The following RET variants were observed in gnomAD, a reference collection of about 807,000 sequenced individuals.
RET encodes proto-oncogene tyrosine-protein kinase receptor Ret.
RET carries 19 observed loss-of-function variants against 118.3 expected under a neutral mutation model. The ratio of observed to expected loss-of-function variants is 0.16; its 90% CI spans 0.11 to 0.24. The LOEUF is 0.24. Among genes scored for constraint, RET ranks in the 10% least tolerant of loss-of-function variants. The pLI is 1.00. For synonymous variants in RET, 597 were observed against 644.1 expected (o/e 0.93, Z 1.11); for missense variants, 1,219 against 1,502.1 (o/e 0.81, Z 3.12).
chr10:43,097,793 C>T (rs1837552167), intron 1 of RET, among the ~76,000 whole-genome samples: 1 of 152,166 alleles, frequency 6.6e-6, no homozygotes, highest in African/African-American at 2.4e-5. Flanking sequence ...GATTGTTTCC[C>T]CCAGGTGTGT....
At chr10:43,102,185 A>T in intron 2 of RET, 157 bp from the exon 3 acceptor site, 1 of 846,000 alleles carries the variant, frequency 1.2e-6, no homozygotes, top group Non-Finnish European at 1.9e-6. Flanking sequence ...CAGCAGAGGT[A>T]AGGAGGTGGC....
chr10:43,124,084 C>T (rs906228528), intron 17 of RET, among the ~76,000 whole-genome samples: 1 of 152,126 alleles, frequency 6.6e-6, no homozygotes, highest in Non-Finnish European at 1.5e-5. Context: ...GCTGTCCCAG[C>T]AGGACACTTA....
At chr10:43,101,661 G>A (rs1191091012) in intron 2 of RET, among the ~76,000 whole-genome samples, 1 of 152,228 alleles carries the variant, frequency 6.6e-6, no homozygotes, top group Non-Finnish European at 1.5e-5. Flanking sequence ...TTCGTAGGAG[G>A]CCTAAGCCCT....
At chr10:43,105,305 G>T in intron 4 of RET, 112 bp downstream of exon 4, 1 of 1,503,710 alleles carries the variant, frequency 6.7e-7, no homozygotes, top group African/African-American at 1.4e-5. Context: ...GACCATTCGC[G>T]CTTTCATTTG....
intron 8 of RET, 151 bp from the exon 9 acceptor site, chr10:43,112,702 G>C (rs3026755): frequency 0.021 from 15,111 of 703,810 alleles, 258 homozygotes; most frequent in Middle Eastern, 0.042. Flanking sequence ...GGCTCCCCAG[G>C]ATGCTTCCGC....
intron 1 of RET, among the ~76,000 whole-genome samples, chr10:43,079,031 C>T (rs1454590585): frequency 5.9e-5 from 9 of 152,328 alleles, no homozygotes; most frequent in South Asian, 4.1e-4. Context: ...TGCCAAGGAC[C>T]GCCCCAGTGA....
chr10:43,104,345 C>T (rs992967734), intron 3 of RET, among the ~76,000 whole-genome samples: 8 of 150,846 alleles, frequency 5.3e-5, no homozygotes, highest in African/African-American at 9.7e-5. Flanking sequence ...GGTGAAAGGC[C>T]GTCCCTACTA....
In RET at chr10:43,106,605, C is replaced by T. The variant is rs954619354; in HGVS notation, c.1063+34C>T. 6.2e-7 allele frequency: 1 copy of T among 1,604,792 alleles called. No individual in the cohort carries two copies. On this transcript the variant is annotated intron_variant, in intron 5 of 19. Transcript: ENST00000355710. The surrounding 1 kb of genome is among the most constrained non-coding windows in gnomAD (Gnocchi z 5.1). ...GGCTGGTGGCACGGCCTGGCTAGGC[C>T]CCCAGGAAATGAGGTGCTCGCTCTT...
intron 6 of RET, among the ~76,000 whole-genome samples, chr10:43,109,607 G>A (rs1356245689): frequency 6.6e-6 from 1 of 152,224 alleles, no homozygotes; most frequent in African/African-American, 2.4e-5. Flanking sequence ...TGCAAAAGCA[G>A]ATCTTCCCTG....
chr10:43,112,732 G>A (rs1384759684), intron 8 of RET, 121 bp from the exon 9 acceptor site: 4 of 765,934 alleles, frequency 5.2e-6, no homozygotes, highest in Non-Finnish European at 6.8e-6. Context: ...TCTGTATATG[G>A]TGTTTCCCTA....
rs553892210 is a variant in RET, at chr10:43,087,892, G to C, written c.73+10561G>C. 2.0e-5 allele frequency among the ~76,000 whole-genome samples: 3 copies of C among 152,308 alleles called. No individual in the cohort carries two copies. In the East Asian group the frequency reaches 5.8e-4, roughly 29 times the overall value. On this transcript the variant is annotated intron_variant, in intron 1 of 19. Transcript: ENST00000355710. Reference sequence around the variant, plus strand: ...AGTGGTAGGGATAGAGGTGAGATGGGGGTGGTGCTGGTGATAGTGATGGTC... The same window carrying C: ...AGTGGTAGGGATAGAGGTGAGATGGCGGTGGTGCTGGTGATAGTGATGGTC...
rs773428442 is a variant in RET at position 43,100,574 on chromosome 10, G to A, written c.189G>A (p.Val63=). Reference sequence around the variant, plus strand: ...CCCTGCGGGACGCCCCTGAGGAGGTGCCCAGCTTCCGCCTGGGCCAGCATC... The same window carrying A: ...CCCTGCGGGACGCCCCTGAGGAGGTACCCAGCTTCCGCCTGGGCCAGCATC... ...VHALRDAPEE[V]PSFRLGQHLY... Residue 63 remains valine, a synonymous_variant, in exon 2 of 20, where the codon GTG becomes GTA. Transcript: ENST00000355710. 6.2e-7 allele frequency: 1 copy of A among 1,613,892 alleles called. No individual in the cohort carries two copies. Among genetic ancestry groups the A allele is most frequent in the South Asian group, 1.1e-5 (1 of 91,082 alleles).
chr10:43,093,759 G>C (rs1162589681), intron 1 of RET, among the ~76,000 whole-genome samples: 2 of 152,148 alleles, frequency 1.3e-5, no homozygotes, highest in Non-Finnish European at 2.9e-5. Flanking sequence ...GCAGCAGTGA[G>C]GCTGAAAGAC....
At chr10:43,108,614 C>T (rs1837837931) in intron 5 of RET, among the ~76,000 whole-genome samples, 1 of 152,122 alleles carries the variant, frequency 6.6e-6, no homozygotes, top group African/African-American at 2.4e-5. Context: ...GGTCCGGGGA[C>T]TCAAGATTTT....
chr10:43,103,461 T>C (rs1473061448), intron 3 of RET, among the ~76,000 whole-genome samples: 1 of 152,012 alleles, frequency 6.6e-6, no homozygotes, highest in Non-Finnish European at 1.5e-5. Context: ...TGGGATGAGC[T>C]GGATCCCAGT....
At chr10:43,109,634 G>C (rs969221934) in intron 6 of RET, among the ~76,000 whole-genome samples, 2 of 152,224 alleles carry the variant, frequency 1.3e-5, no homozygotes, top group Non-Finnish European at 2.9e-5. Flanking sequence ...ATCTGCAAGT[G>C]TGCAGAGATC....
intron 1 of RET, among the ~76,000 whole-genome samples, chr10:43,091,414 A>G (rs1837407293): frequency 6.6e-6 from 1 of 152,104 alleles, no homozygotes; most frequent in Non-Finnish European, 1.5e-5. Context: ...AGATCACTTG[A>G]GGTCAGGAGT....
chr10:43,085,038 G>A (rs1837260761), intron 1 of RET, among the ~76,000 whole-genome samples: 1 of 152,206 alleles, frequency 6.6e-6, no homozygotes, highest in Non-Finnish European at 1.5e-5. Flanking sequence ...ATGCTGCCAG[G>A]CCCTGGGGCA....
Position 43,113,538 on chromosome 10 carries a change from G to T in RET, c.1760-18G>T, listed in dbSNP as rs2132825714. 6.3e-7 allele frequency: 1 copy of T among 1,598,054 alleles called. No individual in the cohort carries two copies. The highest frequency in any genetic ancestry group is 1.7e-5 in the Admixed American group (1 of 57,968). ...GTCAGGCGCCCCAGGAGGCTGAGTG[G>T]GCTACGTCTGCCCTCAGGGGGCAGC... On this transcript the variant is annotated intron_variant, in intron 9 of 19. Transcript: ENST00000355710.
Sources: gnomAD v4.1 joint callset for allele counts (sites outside exome capture counted in the v4.1 genomes callset) on GRCh38, gnomAD v4.1.1 for gene constraint, Gnocchi (gnomAD v3.1) non-coding constraint, MANE v1.5 for transcripts, NCBI Gene and HGNC (gene_info 2026-07-23, HGNC 2026-07-21) for gene names.